Variants in EPHA5 observed in about 807,000 individuals in gnomAD.
The protein encoded by EPHA5 is EPH receptor A5.
In EPHA5, 60 loss-of-function variants were observed where a neutral mutation model predicts 105.0. The ratio of observed to expected loss-of-function variants is 0.57; its 90% CI spans 0.46 to 0.71. The LOEUF (loss-of-function observed/expected upper bound fraction) is 0.71. Ranked by LOEUF, EPHA5 falls within the 30% of genes least tolerant of loss-of-function variation. The pLI, the probability that EPHA5 is intolerant of heterozygous loss-of-function variation, is 0.00. For synonymous variants in EPHA5, 513 were observed against 449.1 expected, an observed-to-expected ratio of 1.14 and a Z score of -1.80; for missense variants, 1,218 against 1,274.7, an observed-to-expected ratio of 0.96 and a Z score of 0.68.
At chr4:65,374,729 G>C (rs928879457) in intron 8 of EPHA5, among the ~76,000 whole-genome samples, 1 of 151,874 alleles carries the variant, frequency 6.6e-6, no homozygotes, top group Non-Finnish European at 1.5e-5. Flanking sequence ...GATCTTTCAA[G>C]ACACGAAAAA....
In EPHA5 at chr4:65,492,355, C is replaced by T. The variant is rs1185532305; in HGVS notation, c.1067-1643G>A. 2.0e-5 allele frequency among the ~76,000 whole-genome samples: 3 copies of T among 151,814 alleles called. No homozygotes were observed. The East Asian group carries it at 5.8e-4, about 29-fold the overall frequency. ...TAGCTGGAATTACAGGGGCCCACCA[C>T]CACACCTGGCTAATTTTTGTATTTT... is the stretch of plus-strand genomic sequence containing the variant. On this transcript the variant is annotated intron_variant, in intron 4 of 16. Transcript: ENST00000613740.
intron 3 of EPHA5, among the ~76,000 whole-genome samples, chr4:65,560,104 TAA>T (rs1032226929): frequency 1.3e-5 from 2 of 152,148 alleles, no homozygotes; most frequent in African/African-American, 4.8e-5. Flanking sequence ...GGAAGAATTA[TAA>T]TTTATTGAAC....
chr4:65,374,169 G>A (rs951974429), intron 8 of EPHA5, among the ~76,000 whole-genome samples: 2 of 151,896 alleles, frequency 1.3e-5, no homozygotes, highest in Admixed American at 1.3e-4. Context: ...AAAGGCAACG[G>A]CAACTTAAAC....
At chr4:65,444,741 T>C (rs182654033) in intron 5 of EPHA5, among the ~76,000 whole-genome samples, 2 of 152,262 alleles carry the variant, frequency 1.3e-5, no homozygotes, top group African/African-American at 4.8e-5. Context: ...TTCTGTATTA[T>C]ATTACCACTT....
intron 8 of EPHA5, among the ~76,000 whole-genome samples, chr4:65,369,867 T>C (rs1483426244): frequency 6.6e-6 from 1 of 152,016 alleles, no homozygotes; most frequent in Admixed American, 6.6e-5. Context: ...CTTGGGAGGC[T>C]GAGGCAGAAG....
intron 1 of EPHA5, among the ~76,000 whole-genome samples, chr4:65,655,825 C>T (rs1007955382): frequency 1.3e-5 from 2 of 151,984 alleles, no homozygotes; most frequent in African/African-American, 4.8e-5. Context: ...CATTAGGGAC[C>T]ATTGGTTTAA....
At chr4:65,420,093 G>A (rs1341234181) in intron 6 of EPHA5, among the ~76,000 whole-genome samples, 1 of 152,022 alleles carries the variant, frequency 6.6e-6, no homozygotes, top group Non-Finnish European at 1.5e-5. Context: ...CTGGCCATAA[G>A]CACACATTTC....
At chr4:65,373,856 A>G (rs969474654) in intron 8 of EPHA5, among the ~76,000 whole-genome samples, 1 of 151,926 alleles carries the variant, frequency 6.6e-6, no homozygotes, top group African/African-American at 2.4e-5. Context: ...GACACTGAAA[A>G]GCATGAAACC....
At chr4:65,346,822 A>G (rs916968190) in intron 14 of EPHA5, among the ~76,000 whole-genome samples, 2 of 152,176 alleles carry the variant, frequency 1.3e-5, no homozygotes, top group East Asian at 3.9e-4. Flanking sequence ...TGGGCAAAGG[A>G]TATGAACAGA....
intron 3 of EPHA5, among the ~76,000 whole-genome samples, chr4:65,532,883 C>G (rs553191210): frequency 6.6e-6 from 1 of 152,078 alleles, no homozygotes; most frequent in Non-Finnish European, 1.5e-5. Flanking sequence ...AGCATCTAAA[C>G]AGTTATTTGT....
At chr4:65,329,172 C>G (rs564832452) in intron 16 of EPHA5, among the ~76,000 whole-genome samples, 2 of 151,302 alleles carry the variant, frequency 1.3e-5, no homozygotes, top group Non-Finnish European at 3.0e-5. Flanking sequence ...ACCCACTGCA[C>G]TTATACAAGA....
chr4:65,458,563 TG>T (rs1727833510), intron 5 of EPHA5, among the ~76,000 whole-genome samples: 1 of 152,184 alleles, frequency 6.6e-6, no homozygotes, highest in East Asian at 1.9e-4. Context: ...TTCTTCTTAA[TG>T]TTCACATTAA....
intron 14 of EPHA5, among the ~76,000 whole-genome samples, chr4:65,339,710 G>A (rs1045180136): frequency 6.7e-6 from 1 of 149,950 alleles, no homozygotes; most frequent in Non-Finnish European, 1.5e-5. Flanking sequence ...GGTGGCTGGA[G>A]CCTATCCCAG....
At chr4:65,352,281 C>T (rs1722889875) in intron 12 of EPHA5, among the ~76,000 whole-genome samples, 1 of 151,960 alleles carries the variant, frequency 6.6e-6, no homozygotes, top group African/African-American at 2.4e-5. Context: ...GGACCATTAT[C>T]AAATTCATTG....
intron 5 of EPHA5, among the ~76,000 whole-genome samples, chr4:65,449,292 A>C (rs956654527): frequency 7.9e-5 from 12 of 152,292 alleles, no homozygotes; most frequent in African/African-American, 2.9e-4. Flanking sequence ...TACATTTAGC[A>C]CCTTAAATTC....
chr4:65,502,111 C>G (rs915334334), intron 3 of EPHA5, among the ~76,000 whole-genome samples: 1 of 151,406 alleles, frequency 6.6e-6, no homozygotes, highest in Non-Finnish European at 1.5e-5. Flanking sequence ...TCAAGATGAA[C>G]TAAAGACTTA....
At chr4:65,460,194 T>G (rs1397037346) in intron 5 of EPHA5, among the ~76,000 whole-genome samples, 5 of 151,462 alleles carry the variant, frequency 3.3e-5, no homozygotes, top group Admixed American at 3.3e-4. Context: ...ATATAGGAAA[T>G]TTAAATATAT....
intron 3 of EPHA5, among the ~76,000 whole-genome samples, chr4:65,580,661 T>A (rs564879613): frequency 1.7e-4 from 26 of 151,924 alleles, no homozygotes; most frequent in African/African-American, 6.0e-4. Flanking sequence ...TTGACTAAAA[T>A]TAGGACTTAA....
At chr4:65,549,451 A>G (rs1737684660) in intron 3 of EPHA5, among the ~76,000 whole-genome samples, 1 of 152,190 alleles carries the variant, frequency 6.6e-6, no homozygotes, top group South Asian at 2.1e-4. Context: ...ACGTTTATAC[A>G]ACAATGATAA....
Sources: allele counts gnomAD v4.1 joint callset (sites outside exome capture counted in the v4.1 genomes callset), GRCh38; gene constraint gnomAD v4.1.1; transcripts MANE v1.5; gene names NCBI Gene and HGNC (gene_info 2026-07-23, HGNC 2026-07-21).